ZNF333: variants seen among roughly 807,000 people sequenced by gnomAD.
ZNF333 encodes zinc finger protein 333.
A neutral mutation model predicts 76.1 loss-of-function variants in ZNF333; 61 were observed. The ratio of observed to expected loss-of-function variants is 0.80; its 90% CI spans 0.65 to 0.99. ZNF333 has a LOEUF of 0.99. Among genes scored for constraint, ZNF333 ranks in the 50% least tolerant of loss-of-function variants. The pLI is 0.00. For synonymous variants in ZNF333, 284 were observed against 305.0 expected, an observed-to-expected ratio of 0.93 and a Z score of 0.72; for missense variants, 717 against 822.4, an observed-to-expected ratio of 0.87 and a Z score of 1.57.
intron 2 of ZNF333, among the ~76,000 whole-genome samples, chr19:14,694,427 G>C (rs1973014040): frequency 6.6e-6 from 1 of 151,550 alleles, no homozygotes; most frequent in Non-Finnish European, 1.5e-5. Flanking sequence ...GAGCCGAGAT[G>C]GCGCCACTGC....
chr19:14,721,340 A>G lies in ZNF333; in HGVS notation c.*2015A>G, dbSNP rs2042582743. ...GTTCTCTTAGGTATAACTTACATAA[A>G]CGTTAATAAATCTTAGGGTACACCT... is the stretch of plus-strand genomic sequence containing the variant. On this transcript the variant is annotated 3_prime_UTR_variant, in exon 12 of 12. Coordinates refer to ENST00000292530, the MANE Select transcript of ZNF333 (RefSeq NM_032433.4). 7.0e-6 allele frequency: 1 copy of G among 142,618 alleles called. No individual in the cohort carries two copies. Among genetic ancestry groups the G allele is most frequent in the South Asian group, 2.2e-4 (1 of 4,594 alleles). The allele number at this position is 142,618 out of a possible 1,614,324, so 8.8% of individuals were successfully genotyped here.
intron 4 of ZNF333, among the ~76,000 whole-genome samples, chr19:14,698,052 G>A (rs893178317): frequency 6.6e-6 from 1 of 152,002 alleles, no homozygotes; most frequent in African/African-American, 2.4e-5. Context: ...ACATACAGAT[G>A]CTGTCTTCCC....
Position 14,699,285 on chromosome 19 carries a change from A to C in ZNF333, c.306+4A>C. On this transcript the variant is annotated splice_donor_region_variant and intron_variant, in intron 5 of 11. Transcript: ENST00000292530. ...ATCCTCCAGGGACATGCAAATGGTA[A>C]GATGCACGGGGTTTTCCCCGGCTCC... is the stretch of plus-strand genomic sequence containing the variant. The C allele has an allele frequency of 6.2e-7, 1 of 1,613,468 alleles. No homozygotes were observed. The highest frequency in any genetic ancestry group is 8.5e-7 in the Non-Finnish European group (1 of 1,179,550).
exon 12 of ZNF333, chr19:14,731,879 T>C (rs181192815): frequency 6.6e-6 from 1 of 152,326 alleles, no homozygotes; most frequent in East Asian, 1.9e-4. Context: ...AGTGAAGATA[T>C]GGGGGCAAAT....
intron 7 of ZNF333, among the ~76,000 whole-genome samples, chr19:14,711,702 G>C (rs562836495): frequency 3.0e-4 from 45 of 152,236 alleles, no homozygotes; most frequent in African/African-American, 8.9e-4. Context: ...AGGAGGTTGA[G>C]TTGATTTGGT....
downstream of ZNF333, among the ~76,000 whole-genome samples, chr19:14,725,171 T>C (rs926060262): frequency 6.6e-5 from 10 of 151,880 alleles, no homozygotes; most frequent in East Asian, 1.9e-4. Flanking sequence ...GCAGGGGAGA[T>C]TGCATGCTCT....
intron 8 of ZNF333, among the ~76,000 whole-genome samples, 164 bp downstream of exon 8, chr19:14,715,634 C>T (rs1357039352): frequency 6.6e-6 from 1 of 152,204 alleles, no homozygotes; most frequent in Non-Finnish European, 1.5e-5. Context: ...GCCATGATCC[C>T]ACCACCTCAT....
At chr19:14,716,016 T>C in intron 8 of ZNF333, 96 bp from the exon 9 acceptor site, 1 of 1,568,202 alleles carries the variant, frequency 6.4e-7, no homozygotes, top group Non-Finnish European at 8.6e-7. Flanking sequence ...GTCCTCTGCC[T>C]GGGTTTTCCC....
At chr19:14,715,693 G>A (rs2042410466) in intron 8 of ZNF333, among the ~76,000 whole-genome samples, 1 of 152,168 alleles carries the variant, frequency 6.6e-6, no homozygotes. Context: ...ACAAAGCAAG[G>A]ATGTCAGCTG....
At chr19:14,695,991 C>T (rs1973156261) in intron 4 of ZNF333, among the ~76,000 whole-genome samples, 1 of 152,058 alleles carries the variant, frequency 6.6e-6, no homozygotes. Flanking sequence ...CCAGCCTGGC[C>T]AACATGGCAA....
chr19:14,698,839 CA>C (rs138097819), intron 4 of ZNF333, among the ~76,000 whole-genome samples: 3 of 133,216 alleles, frequency 2.3e-5, no homozygotes. Context: ...GACTCTGTCT[CA>C]AAAAAAACAA....
At chr19:14,706,093 G>T (rs1489408101) in intron 6 of ZNF333, 12 of 457,310 alleles carry the variant, frequency 2.6e-5, no homozygotes, top group Admixed American at 1.9e-4. Flanking sequence ...ACCTCCAGCT[G>T]CCTCTCCTGT....
chr19:14,714,907 AGGGGCCAGGCAGCCGG>A, intron 7 of ZNF333: 1 of 158,724 alleles, frequency 6.3e-6, no homozygotes, highest in Admixed American at 6.3e-5. Context: ...GGGCAGAGAA[AGGGGCCAGGCAGCCGG>A]GGAGGAAAAG....
Position 14,706,538 on chromosome 19 carries a change from T to A in ZNF333, c.424-148T>A, listed in dbSNP as rs2042114869. Reference sequence around the variant, plus strand: ...GCTTTGTATTTAAGGATTGGGTAAATCCTGACAAGGTAAATGGGTCTCTCT... The same window carrying A: ...GCTTTGTATTTAAGGATTGGGTAAAACCTGACAAGGTAAATGGGTCTCTCT... On this transcript the variant is annotated intron_variant, in intron 6 of 11. Transcript: ENST00000292530. 3 of 707,732 alleles carry A rather than the reference T, an allele frequency of 4.2e-6. No individual in the cohort carries two copies. The Admixed American group carries it at 7.5e-5, about 18-fold the overall frequency. The allele number at this position is 707,732 out of a possible 1,614,324, so 43.8% of individuals were successfully genotyped here.
intron 7 of ZNF333, chr19:14,715,161 G>A: frequency 1.9e-6 from 1 of 521,298 alleles, no homozygotes; most frequent in East Asian, 3.3e-5. Flanking sequence ...GCGTGTTTGT[G>A]TGTATATGTG....
chr19:14,694,869 C>T, intron 2 of ZNF333, 141 bp from the exon 3 acceptor site: 1 of 1,347,832 alleles, frequency 7.4e-7, no homozygotes, highest in Non-Finnish European at 1.0e-6. Context: ...GCCAAGAAAA[C>T]ATTATTTACA....
chr19:14,699,287 A>G lies in ZNF333; in HGVS notation c.306+6A>G, dbSNP rs751702972. 1.2e-6 allele frequency: 2 copies of G among 1,613,380 alleles called. No homozygotes were observed. Among genetic ancestry groups the G allele is most frequent in the Non-Finnish European group, 1.7e-6 (2 of 1,179,448 alleles). On this transcript the variant is annotated splice_donor_region_variant and intron_variant, in intron 5 of 11. Coordinates refer to ENST00000292530, the MANE Select transcript of ZNF333 (RefSeq NM_032433.4). ...CCTCCAGGGACATGCAAATGGTAAGATGCACGGGGTTTTCCCCGGCTCCCA... is the reference window on the plus strand; with the variant it reads ...CCTCCAGGGACATGCAAATGGTAAGGTGCACGGGGTTTTCCCCGGCTCCCA...
Position 14,717,736 on chromosome 19 carries a change from A to G in ZNF333, c.900+3A>G. The G allele has an allele frequency of 6.2e-7, 1 of 1,613,476 alleles. No homozygotes were observed. On this transcript the variant is annotated splice_donor_region_variant and intron_variant, in intron 11 of 11. Transcript: ENST00000292530. ...TCCTGTCCATTGATGTGAAAGGGGT[A>G]AGGCTCACCAGGGATTATTCATGGT...
chr19:14,725,417 A>G (rs995385065), downstream of ZNF333, among the ~76,000 whole-genome samples: 1 of 152,140 alleles, frequency 6.6e-6, no homozygotes, highest in Non-Finnish European at 1.5e-5. Context: ...GCAAAATACA[A>G]TCATCCCTTC....
Sources: allele counts gnomAD v4.1 joint callset (sites outside exome capture counted in the v4.1 genomes callset), GRCh38; gene constraint gnomAD v4.1.1; transcripts MANE v1.5; gene names NCBI Gene and HGNC (gene_info 2026-07-23, HGNC 2026-07-21).